Variants in IFT122 observed in about 807,000 individuals in gnomAD.
The protein encoded by IFT122 is intraflagellar transport 122, also known as intraflagellar transport protein 122 homolog.
A neutral mutation model predicts 161.6 loss-of-function variants in IFT122; 118 were observed. That is an observed-to-expected ratio of 0.73 (90% CI 0.63 to 0.85). The LOEUF is 0.85. Ranked by LOEUF, IFT122 falls within the 40% of genes least tolerant of loss-of-function variation. The pLI is 0.00. For synonymous variants in IFT122, 550 were observed against 602.4 expected (o/e 0.91, Z 1.27); for missense variants, 1,381 against 1,579.6 (o/e 0.87, Z 2.13).
At chr3:129,501,560 GC>G (rs1405143733) in intron 19 of IFT122, among the ~76,000 whole-genome samples, 1 of 152,190 alleles carries the variant, frequency 6.6e-6, no homozygotes, top group East Asian at 1.9e-4. Flanking sequence ...ATAGAAGAGA[GC>G]CAGGCAGATT....
intron 26 of IFT122, among the ~76,000 whole-genome samples, chr3:129,515,960 C>G (rs1053869747): frequency 1.3e-5 from 2 of 152,050 alleles, no homozygotes; most frequent in African/African-American, 4.8e-5. Flanking sequence ...AAGCCCCTTC[C>G]CAGGAGCTGA....
At position 129,479,871 on chromosome 3, in the gene IFT122, C is replaced by G. The variant is rs150390285; in HGVS notation, c.1437C>G (p.Ile479Met). Reference protein sequence around the residue: ...MESLIRYIKVIGGPPGREGLL... With the variant: ...MESLIRYIKVMGGPPGREGLL... ...CTCTCATTCGTTACATCAAGGTGAT[C>G]GGTGGCCCTCCTGGAAGAGAAGGCC... Residue 479 changes from isoleucine (I) to methionine (M), a missense_variant, in exon 13 of 30, where the codon ATC (isoleucine) becomes ATG (methionine). By Grantham distance (10) the Ile-to-Met change is conservative (BLOSUM62 1). Transcript: ENST00000348417. 6.2e-7 allele frequency: 1 copy of G among 1,613,936 alleles called. No homozygotes were observed.
intron 1 of IFT122, among the ~76,000 whole-genome samples, chr3:129,447,658 G>A (rs1451205565): frequency 2.0e-5 from 3 of 151,952 alleles, no homozygotes; most frequent in Non-Finnish European, 2.9e-5. Flanking sequence ...GATTACAGGC[G>A]CCCGCCACCA....
chr3:129,459,435 G>T (rs151006097), intron 4 of IFT122: 3 of 340,430 alleles, frequency 8.8e-6, no homozygotes, highest in Non-Finnish European at 1.7e-5. Flanking sequence ...GACTATAGGC[G>T]CTCACCACCA....
At chr3:129,491,009 G>A (rs1432640314) in intron 16 of IFT122, among the ~76,000 whole-genome samples, 2 of 152,210 alleles carry the variant, frequency 1.3e-5, no homozygotes, top group African/African-American at 4.8e-5. Flanking sequence ...TCTGGGAGGT[G>A]TCATGATCTG....
Position 129,476,802 on chromosome 3 carries a change from G to T in IFT122, c.1147+1G>T, listed in dbSNP as rs778752583. ...CAGCACCTGATCACTGAGCAGAAAG[G>T]TAAGAGGCAGGTCCAGACCTTGGGA... On this transcript the variant is annotated splice_donor_variant, in intron 11 of 29. Coordinates refer to ENST00000348417, the MANE Select transcript of IFT122 (RefSeq NM_052989.3). LOFTEE classifies it high-confidence loss of function. The T allele has an allele frequency of 4.3e-6, 7 of 1,614,086 alleles. No homozygotes were observed. Among genetic ancestry groups the T allele is most frequent in the Non-Finnish European group, 4.2e-6 (5 of 1,180,052 alleles).
At chr3:129,448,033 T>A (rs1326111523) in intron 1 of IFT122, among the ~76,000 whole-genome samples, 1 of 152,226 alleles carries the variant, frequency 6.6e-6, no homozygotes, top group African/African-American at 2.4e-5. Context: ...TTGCTTGTTT[T>A]ATTTTCTTTG....
intron 4 of IFT122, among the ~76,000 whole-genome samples, chr3:129,459,850 C>T (rs2108052093): frequency 6.6e-6 from 1 of 151,698 alleles, no homozygotes; most frequent in East Asian, 1.9e-4. Flanking sequence ...ACCTTCCAGG[C>T]TCAAATAATC....
chr3:129,463,548 T>G lies in IFT122; in HGVS notation c.350-12T>G. ...ACCAATCCATCTTCTTTTATATTATTGTGCATTGAAGGGTTGTGGTCTCCT... is the reference window on the plus strand; with the variant it reads ...ACCAATCCATCTTCTTTTATATTATGGTGCATTGAAGGGTTGTGGTCTCCT... On this transcript the variant is annotated splice_polypyrimidine_tract_variant and intron_variant, in intron 5 of 29. Coordinates refer to ENST00000348417, the MANE Select transcript of IFT122 (RefSeq NM_052989.3). 6.2e-7 allele frequency: 1 copy of G among 1,611,220 alleles called. No individual in the cohort carries two copies. The highest frequency in any genetic ancestry group is 1.1e-5 in the South Asian group (1 of 91,016).
Position 129,503,563 on chromosome 3 carries a change from T to A in IFT122, c.2547+681T>A, listed in dbSNP as rs1171992344. Among the ~76,000 whole-genome samples, 3 of 151,580 alleles carry A rather than the reference T, an allele frequency of 2.0e-5. No homozygotes were observed. In the South Asian group the frequency reaches 6.3e-4, roughly 32 times the overall value. ...GAGAGGATTAGGAGCTGTGCCAAGA[T>A]CCTCCCCCGACTCACCCACCCACCC... is the stretch of plus-strand genomic sequence containing the variant. On this transcript the variant is annotated intron_variant, in intron 20 of 29. Transcript: ENST00000348417.
chr3:129,478,066 C>G lies in IFT122; in HGVS notation c.1198C>G (p.Arg400Gly). 6.2e-7 allele frequency: 1 copy of G among 1,614,162 alleles called. No individual in the cohort carries two copies. The highest frequency in any genetic ancestry group is 8.5e-7 in the Non-Finnish European group (1 of 1,180,006). The change falls in exon 12 of 30, where the codon CGA becomes GGA. Residue 400 changes from arginine (R) to glycine (G), a missense_variant. By Grantham distance (125) the Arg-to-Gly change is moderately radical. Transcript: ENST00000348417. ...CAAGAAGATTGCCATCTACAGAAATCGATTGGCTATCCAACTGCCAGAGAA... is the reference window on the plus strand; with the variant it reads ...CAAGAAGATTGCCATCTACAGAAATGGATTGGCTATCCAACTGCCAGAGAA... ...LVKKIAIYRNRLAIQLPEKIL... is the reference protein window; with the variant it reads ...LVKKIAIYRNGLAIQLPEKIL...
rs367641579 is a variant in IFT122 at position 129,476,659 on chromosome 3, G to A, written c.1009-4G>A. The stretch of plus-strand genomic sequence containing the variant: ...TGGGAATTGACAGTTCTCTCACCCC[G>A]CAGGTGGTCGGCTGCCAGGACGGCA... On this transcript the variant is annotated splice_polypyrimidine_tract_variant and splice_region_variant and intron_variant, in intron 10 of 29. Coordinates refer to ENST00000348417, the MANE Select transcript of IFT122 (RefSeq NM_052989.3). The A allele has an allele frequency of 2.0e-5, 32 of 1,614,070 alleles. No homozygotes were observed. Among genetic ancestry groups the A allele is most frequent in the Non-Finnish European group, 2.6e-5 (31 of 1,180,046 alleles).
chr3:129,466,847 G>T (rs973823847), intron 7 of IFT122, 43 bp from the exon 8 acceptor site: 28 of 1,580,588 alleles, frequency 1.8e-5, no homozygotes, highest in Non-Finnish European at 2.4e-5. Flanking sequence ...TTTTAGTGTA[G>T]TTCTAGGCAA....
At chr3:129,515,868 G>C (rs918271638) in intron 26 of IFT122, among the ~76,000 whole-genome samples, 1 of 152,178 alleles carries the variant, frequency 6.6e-6, no homozygotes, top group African/African-American at 2.4e-5. Context: ...CCCAGAAAGA[G>C]AGTCCGATGG....
chr3:129,487,373 G>A (rs1248809647), intron 15 of IFT122: 1 of 126,790 alleles, frequency 7.9e-6, no homozygotes, highest in Non-Finnish European at 1.8e-5. Flanking sequence ...CCAGCTATTT[G>A]CTGGGACAGG....
chr3:129,476,940 G>GTTTTTT (rs201252917), intron 11 of IFT122, 139 bp downstream of exon 11: 24 of 715,710 alleles, frequency 3.4e-5, no homozygotes, highest in African/African-American at 3.9e-5. Context: ...TCTGTGTCTT[G>GTTTTTT]TTTTCTTTTT....
intron 11 of IFT122, among the ~76,000 whole-genome samples, chr3:129,477,768 G>C (rs1426565492): frequency 1.3e-5 from 2 of 152,206 alleles, no homozygotes; most frequent in African/African-American, 4.8e-5. Context: ...GCAAGTGATG[G>C]TAACAGTGAG....
intron 3 of IFT122, among the ~76,000 whole-genome samples, chr3:129,453,510 G>T (rs575822569): frequency 6.6e-6 from 1 of 152,192 alleles, no homozygotes; most frequent in African/African-American, 2.4e-5. Context: ...GTGTGATTGT[G>T]TCTTTTTCTC....
chr3:129,501,399 C>G (rs924090312), intron 19 of IFT122, among the ~76,000 whole-genome samples: 3 of 152,102 alleles, frequency 2.0e-5, no homozygotes, highest in Admixed American at 6.5e-5. Context: ...TTGGGTGCTG[C>G]CATATATTAA....
Sources: gnomAD v4.1 joint callset for allele counts (sites outside exome capture counted in the v4.1 genomes callset) on GRCh38, gnomAD v4.1.1 for gene constraint, MANE v1.5 for transcripts, NCBI Gene and HGNC (gene_info 2026-07-23, HGNC 2026-07-21) for gene names.